The following NAA11 variants were observed in gnomAD, a reference collection of about 807,000 sequenced individuals.
NAA11 encodes N-alpha-acetyltransferase 11, NatA catalytic subunit.
Under a neutral mutation model 16.1 loss-of-function variants are expected in NAA11, and 15 were observed. The observed-to-expected ratio is 0.93, with a 90% confidence interval of 0.62 to 1.44. The LOEUF (loss-of-function observed/expected upper bound fraction) is 1.44. Ranked by LOEUF, NAA11 falls within the 40% of genes most tolerant of loss-of-function variation. The probability of loss-of-function intolerance (pLI) is 0.00; values close to 1 mark genes in which losing one functional copy is unlikely to be tolerated. For missense variants in NAA11, 298 were observed against 291.3 expected (o/e 1.02, Z -0.17); for synonymous variants, 122 against 112.4 (o/e 1.09, Z -0.54).
chr4:79,302,631 G>T (rs1723426214), intron 1 of NAA11, among the ~76,000 whole-genome samples: 1 of 151,844 alleles, frequency 6.6e-6, no homozygotes, highest in African/African-American at 2.4e-5. Flanking sequence ...ATATACATTT[G>T]TGTGTATATT....
At chr4:79,275,194 T>C (rs1352162137) in intron 2 of NAA11, among the ~76,000 whole-genome samples, 2 of 152,142 alleles carry the variant, frequency 1.3e-5, no homozygotes, top group African/African-American at 2.4e-5. Context: ...TTCTTTCTGA[T>C]GCTCATGAAG....
At chr4:79,211,485 C>G in the NAA11 span, among the ~76,000 whole-genome samples, 1 of 152,100 alleles carries the variant, frequency 6.6e-6, no homozygotes, top group African/African-American at 2.4e-5. Context: ...CATATACATG[C>G]ACACACTCGT....
the NAA11 span, among the ~76,000 whole-genome samples, chr4:79,178,621 C>T: frequency 1.3e-5 from 2 of 152,062 alleles, no homozygotes; most frequent in African/African-American, 4.8e-5. Flanking sequence ...AAACATGGTC[C>T]CTGCTTTTGT....
chr4:79,188,324 G>A, the NAA11 span, among the ~76,000 whole-genome samples: 4 of 152,270 alleles, frequency 2.6e-5, no homozygotes, highest in African/African-American at 4.8e-5. Context: ...GGTGGCTCAC[G>A]CCTGTAATCC....
intron 2 of NAA11, among the ~76,000 whole-genome samples, chr4:79,288,988 A>G (rs536511323): frequency 6.6e-6 from 1 of 152,330 alleles, no homozygotes; most frequent in Non-Finnish European, 1.5e-5. Flanking sequence ...TGGCTACATA[A>G]CATTCCACTG....
intron 2 of NAA11, among the ~76,000 whole-genome samples, chr4:79,257,248 C>G (rs1179915378): frequency 6.6e-6 from 1 of 152,130 alleles, no homozygotes; most frequent in Non-Finnish European, 1.5e-5. Flanking sequence ...ACACCACTAG[C>G]TTCATATTTA....
downstream of NAA11, among the ~76,000 whole-genome samples, chr4:79,311,863 A>G (rs1294468084): frequency 6.6e-6 from 1 of 152,232 alleles, no homozygotes; most frequent in Non-Finnish European, 1.5e-5. Flanking sequence ...AAAAATATAT[A>G]TTAGATTATT....
chr4:79,224,541 C>T (rs1288459869), downstream of NAA11, among the ~76,000 whole-genome samples: 1 of 151,996 alleles, frequency 6.6e-6, no homozygotes, highest in African/African-American at 2.4e-5. Context: ...ACAATATAAA[C>T]CTGACTTGGA....
chr4:79,220,758 G>C (rs544613538), downstream of NAA11, among the ~76,000 whole-genome samples: 1 of 152,232 alleles, frequency 6.6e-6, no homozygotes, highest in Admixed American at 6.5e-5. Flanking sequence ...CCAGTACCAT[G>C]CTGTTTTGGT....
the NAA11 span, among the ~76,000 whole-genome samples, chr4:79,183,516 A>T: frequency 7.9e-5 from 12 of 152,306 alleles, no homozygotes; most frequent in Admixed American, 7.8e-4. Context: ...AACAATTAAC[A>T]TTTTGGGAGA....
At chr4:79,220,548 G>T in the NAA11 span, among the ~76,000 whole-genome samples, 3 of 151,912 alleles carry the variant, frequency 2.0e-5, no homozygotes, top group Admixed American at 1.3e-4. Context: ...AATAATATAT[G>T]TGATTATATA....
At chr4:79,268,812 T>A (rs1215075776) in intron 2 of NAA11, among the ~76,000 whole-genome samples, 1 of 150,862 alleles carries the variant, frequency 6.6e-6, no homozygotes, top group Non-Finnish European at 1.5e-5. Context: ...TAACTCGTTA[T>A]CTAGCATTAG....
the NAA11 span, among the ~76,000 whole-genome samples, chr4:79,219,695 T>A: frequency 6.6e-6 from 1 of 152,212 alleles, no homozygotes; most frequent in South Asian, 2.1e-4. Context: ...TCAGTCATTA[T>A]AAATATTTTG....
intron 2 of NAA11, chr4:79,227,887 A>C (rs1721358191): frequency 6.6e-6 from 1 of 151,980 alleles, no homozygotes; most frequent in Non-Finnish European, 1.5e-5. Context: ...TGGCTCATTG[A>C]GTTATGAAAA....
At chr4:79,216,550 AGAG>A in the NAA11 span, among the ~76,000 whole-genome samples, 1 of 152,170 alleles carries the variant, frequency 6.6e-6, no homozygotes, top group Admixed American at 6.6e-5. Flanking sequence ...TGATATTTGT[AGAG>A]GAGGGCTGAG....
At chr4:79,214,051 G>A in the NAA11 span, among the ~76,000 whole-genome samples, 1 of 152,108 alleles carries the variant, frequency 6.6e-6, no homozygotes, top group African/African-American at 2.4e-5. Context: ...AACCATAGTG[G>A]GATTATTTAC....
At chr4:79,266,085 T>C (rs1722337712) in intron 2 of NAA11, among the ~76,000 whole-genome samples, 1 of 152,072 alleles carries the variant, frequency 6.6e-6, no homozygotes, top group Non-Finnish European at 1.5e-5. Context: ...CATAACTCTC[T>C]CCCACCCACC....
chr4:79,184,216 AT>A, the NAA11 span, among the ~76,000 whole-genome samples: 1 of 152,224 alleles, frequency 6.6e-6, no homozygotes, highest in Non-Finnish European at 1.5e-5. Flanking sequence ...TTAAATGTTA[AT>A]TTTAAGTGAA....
chr4:79,206,000 T>C, the NAA11 span, among the ~76,000 whole-genome samples: 13 of 152,136 alleles, frequency 8.5e-5, no homozygotes, highest in African/African-American at 2.2e-4. Context: ...CCATGCTGTT[T>C]TGGTTACTAT....
Sources: gnomAD v4.1 joint callset for allele counts (sites outside exome capture counted in the v4.1 genomes callset) on GRCh38, gnomAD v4.1.1 for gene constraint, MANE v1.5 for transcripts, NCBI Gene and HGNC (gene_info 2026-07-23, HGNC 2026-07-21) for gene names.